The following CELSR1 variants were observed in gnomAD, a reference collection of about 807,000 sequenced individuals.
CELSR1 encodes the protein cadherin EGF LAG seven-pass G-type receptor 1.
A neutral mutation model predicts 249.1 loss-of-function variants in CELSR1; 110 were observed. The observed-to-expected ratio is 0.44, with a 90% CI of 0.38 to 0.52. CELSR1 has a LOEUF of 0.52. CELSR1 is among the 20% of genes least tolerant of loss of function. CELSR1 has a pLI of 0.00. For missense variants in CELSR1, 4,109 were observed against 4,296.4 expected, an observed-to-expected ratio of 0.96 and a Z score of 1.22; for synonymous variants, 2,113 against 1,900.0, an observed-to-expected ratio of 1.11 and a Z score of -2.92.
rs369554869 is a variant in CELSR1, at chr22:46,365,300, C to T, written c.8485G>A (p.Glu2829Lys). ...SYASSHSSDSEDDGVGAEEKW... is the reference protein window; with the variant it reads ...SYASSHSSDSKDDGVGAEEKW... ...TCCTCAGCTCCCACCCCATCGTCCT[C>T]GCTGTCTGACGAGTGTGAGGAGGCG... is the stretch of plus-strand genomic sequence containing the variant. Residue 2829 changes from glutamate to lysine, a missense_variant, in exon 32 of 35, where the codon GAG becomes AAG. By Grantham distance (56) the Glu-to-Lys change is moderately conservative. Around this residue, in one of 7 missense-constraint regions of CELSR1, gnomAD observed 1,805 missense variants for 1,831.6 expected, o/e 0.99. Transcript: ENST00000674500. The T allele has an allele frequency of 1.4e-5, 23 of 1,612,866 alleles. 1 individual carries two copies. The highest frequency in any genetic ancestry group is 1.6e-4 in the Middle Eastern group (1 of 6,082).
chr22:46,470,000 G>GGAGGGGAGGGAGGGAGGA (rs2080139244), intron 1 of CELSR1, among the ~76,000 whole-genome samples: 2 of 10,068 alleles, frequency 2.0e-4, no homozygotes, highest in Non-Finnish European at 4.1e-4. Flanking sequence ...GGGAGGGAGG[G>GGAGGGGAGGGAGGGAGGA]AGAGGCAAAG....
chr22:46,371,944 G>T (rs9615967), intron 25 of CELSR1, among the ~76,000 whole-genome samples: 28,447 of 123,714 alleles, frequency 0.23, 4,080 homozygotes, highest in African/African-American at 0.45. Flanking sequence ...CACTCACTCA[G>T]CCCTTCATCC....
chr22:46,474,120 C>G (rs1409850908), intron 1 of CELSR1, among the ~76,000 whole-genome samples: 1 of 152,184 alleles, frequency 6.6e-6, no homozygotes, highest in Admixed American at 6.5e-5. Flanking sequence ...GTGCTGCTCA[C>G]GATGCCTCGG....
Position 46,417,606 on chromosome 22 carries a change from G to C in CELSR1, c.4612-5847C>G, listed in dbSNP as rs1159670876. 3.3e-5 allele frequency among the ~76,000 whole-genome samples: 5 copies of C among 152,210 alleles called. No individual in the cohort carries two copies. The highest frequency in any genetic ancestry group is 7.3e-5 in the Non-Finnish European group (5 of 68,046). ...GGAGGGCAGCTCCACACTATCCCAG[G>C]TTGTAAGGGGAACTCAAGTTCCTCT... On this transcript the variant is annotated intron_variant, in intron 5 of 34. Transcript: ENST00000674500. This position sits in a 1 kb window ranked among gnomAD's most constrained non-coding sequence, Gnocchi z 4.1.
rs2080581522 is a variant in CELSR1, at chr22:46,512,285, T to C, written c.3544+21342A>G. Reference sequence around the variant, plus strand: ...TGTCAGCCCCCAAATCAAGGTCCAATACTGGCCAGGTGCGGTGGCACATGC... The same window carrying C: ...TGTCAGCCCCCAAATCAAGGTCCAACACTGGCCAGGTGCGGTGGCACATGC... On this transcript the variant is annotated intron_variant, in intron 1 of 34. Transcript: ENST00000674500. This position sits in a 1 kb window ranked among gnomAD's most constrained non-coding sequence, Gnocchi z 5.2. Among the ~76,000 whole-genome samples the C allele has an allele frequency of 6.6e-6, 1 of 151,832 alleles. No homozygotes were observed. The highest frequency in any genetic ancestry group is 1.5e-5 in the Non-Finnish European group (1 of 68,030).
At chr22:46,519,315 A>T (rs1365818598) in intron 1 of CELSR1, among the ~76,000 whole-genome samples, 1 of 152,258 alleles carries the variant, frequency 6.6e-6, no homozygotes, top group Non-Finnish European at 1.5e-5. Flanking sequence ...AGAAACAAAC[A>T]AGGACAAAGA....
At chr22:46,394,030 G>T in intron 14 of CELSR1, 112 bp downstream of exon 14, 1 of 1,386,072 alleles carries the variant, frequency 7.2e-7, no homozygotes, top group Non-Finnish European at 9.9e-7. Context: ...TGTGTGTGCA[G>T]GGGTGTGAGT....
At chr22:46,489,777 C>T (rs754591269) in intron 1 of CELSR1, among the ~76,000 whole-genome samples, 8 of 152,106 alleles carry the variant, frequency 5.3e-5, no homozygotes, top group Non-Finnish European at 8.8e-5. Context: ...CATCTGTAAT[C>T]CCAGCTACTC....
In CELSR1 at chr22:46,364,118, A is replaced by AGGGAGCGG. The variant is rs772781416; in HGVS notation, c.8912_8913insCCGCTCCC (p.Gly2972ArgfsTer29). Reference sequence around the variant, plus strand: ...CTGTGATGGCGCAGTCGGGGCCGCCAGAGCCCAGGGAAGACGTGCGCGAGG... The same window carrying AGGGAGCGG: ...CTGTGATGGCGCAGTCGGGGCCGCCAGGGAGCGGGAGCCCAGGGAAGACGTGCGCGAGG... On this transcript the variant is annotated frameshift_variant, in exon 34 of 35. Transcript: ENST00000674500. LOFTEE classifies it high-confidence loss of function. 3.7e-6 allele frequency: 6 copies of AGGGAGCGG among 1,612,288 alleles called. No homozygotes were observed. Among genetic ancestry groups the AGGGAGCGG allele is most frequent in the Non-Finnish European group, 5.1e-6 (6 of 1,179,614 alleles).
rs537103037 is a variant in CELSR1 at position 46,531,028 on chromosome 22, A to G, written c.3544+2599T>C. Among the ~76,000 whole-genome samples the G allele has an allele frequency of 5.3e-5, 8 of 152,316 alleles. No homozygotes were observed. In the East Asian group the frequency reaches 1.4e-3, roughly 26 times the overall value. On this transcript the variant is annotated intron_variant, in intron 1 of 34. Transcript: ENST00000674500. ...CCACCGCTTCCCCGCATTGTTCCTT[A>G]ATAAAACCTCCAGATAATTCAAGGG...
chr22:46,363,932 T>G lies in CELSR1; in HGVS notation c.9035+64A>C. The G allele has an allele frequency of 6.8e-7, 1 of 1,476,620 alleles. No individual in the cohort carries two copies. Among genetic ancestry groups the G allele is most frequent in the Non-Finnish European group, 9.0e-7 (1 of 1,112,278 alleles). 91.5% of individuals were successfully genotyped at this position (1,476,620 alleles called of 1,614,324 possible). A position where few individuals can be genotyped will look rare whatever the true frequency, so the allele number is the denominator to read the frequency against. On this transcript the variant is annotated intron_variant, in intron 34 of 34. Coordinates refer to ENST00000674500, the MANE Select transcript of CELSR1 (RefSeq NM_001378328.1). The surrounding 1 kb of genome is among the most constrained non-coding windows in gnomAD (Gnocchi z 4.3). Reference sequence around the variant, plus strand: ...TCAGGTCCCTGACCACTGCCCCCTCTCTCTCCTGACTCAGGACAAGGGGGA... The same window carrying G: ...TCAGGTCCCTGACCACTGCCCCCTCGCTCTCCTGACTCAGGACAAGGGGGA...
chr22:46,536,965 C>A lies in CELSR1; in HGVS notation c.206G>T (p.Arg69Leu). 8.7e-7 allele frequency: 1 copy of A among 1,146,804 alleles called. No individual in the cohort carries two copies. Among genetic ancestry groups the A allele is most frequent in the Non-Finnish European group, 1.1e-6 (1 of 935,984 alleles). The allele number at this position is 1,146,804 out of a possible 1,614,324, so 71.0% of individuals were successfully genotyped here. Reference sequence around the variant, plus strand: ...CCGACGTCCTGCCAGCCGCCCATCGCGGCCCACGTCCAGCAGCTCCCGCGG... The same window carrying A: ...CCGACGTCCTGCCAGCCGCCCATCGAGGCCCACGTCCAGCAGCTCCCGCGG... ...RAPRELLDVG[R>L]DGRLAGRRRV... Residue 69 changes from arginine to leucine, a missense_variant, in exon 1 of 35, where the codon CGC (arginine) becomes CTC (leucine). Around this residue, in one of 7 missense-constraint regions of CELSR1, gnomAD observed 673 missense variants for 636.8 expected, o/e 1.06. Transcript: ENST00000674500.
intron 22 of CELSR1, among the ~76,000 whole-genome samples, chr22:46,379,682 C>T (rs2078955834): frequency 6.6e-6 from 1 of 152,244 alleles, no homozygotes; most frequent in African/African-American, 2.4e-5. Context: ...ACCGGGCTCG[C>T]TCACCATAGC....
intron 5 of CELSR1, among the ~76,000 whole-genome samples, chr22:46,431,878 CCT>C (rs2079600051): frequency 6.6e-6 from 1 of 152,242 alleles, no homozygotes; most frequent in South Asian, 2.1e-4. Context: ...AGCCCCTGCA[CCT>C]CTGTCAAGCA....
At position 46,427,994 on chromosome 22, in the gene CELSR1, T is replaced by C. The variant is rs1053594700; in HGVS notation, c.4611+5399A>G. The stretch of plus-strand genomic sequence containing the variant: ...TCCCACTCTCCTTGGGACTCTGGGG[T>C]TTAATGTGCAGCACAGACCCAAGAG... On this transcript the variant is annotated intron_variant, in intron 5 of 34. Coordinates refer to ENST00000674500, the MANE Select transcript of CELSR1 (RefSeq NM_001378328.1). This position sits in a 1 kb window ranked among gnomAD's most constrained non-coding sequence, Gnocchi z 4.2. Among the ~76,000 whole-genome samples, 6 of 151,584 alleles carry C rather than the reference T, an allele frequency of 4.0e-5. No individual in the cohort carries two copies. The highest frequency in any genetic ancestry group is 9.7e-5 in the African/African-American group (4 of 41,212).
rs545134467 is a variant in CELSR1, at chr22:46,471,247, A to C, written c.3545-6902T>G. On this transcript the variant is annotated intron_variant, in intron 1 of 34. Coordinates refer to ENST00000674500, the MANE Select transcript of CELSR1 (RefSeq NM_001378328.1). This position sits in a 1 kb window ranked among gnomAD's most constrained non-coding sequence, Gnocchi z 4.9. ...GACAGTGGTTCTGTCTGCATTGCTG[A>C]TTTTGTTTTTTGTTTGTTTTTATAA... Among the ~76,000 whole-genome samples the C allele has an allele frequency of 1.2e-4, 18 of 152,198 alleles. No individual in the cohort carries two copies. The highest frequency in any genetic ancestry group is 2.5e-4 in the Non-Finnish European group (17 of 68,036).
Position 46,380,978 on chromosome 22 carries a change from TG to T in CELSR1, c.7089-24del. 6.2e-7 allele frequency: 1 copy of T among 1,607,692 alleles called. No homozygotes were observed. The highest frequency in any genetic ancestry group is 8.5e-7 in the Non-Finnish European group (1 of 1,175,730). On this transcript the variant is annotated intron_variant, in intron 21 of 34. Coordinates refer to ENST00000674500, the MANE Select transcript of CELSR1 (RefSeq NM_001378328.1). The surrounding 1 kb of genome is among the most constrained non-coding windows in gnomAD (Gnocchi z 5.1). ...AACCTGAGGTCAAGAAGCCAGAGCA[TG>T]GGGACAAACACGGTGAGGAAACATC...
rs950682750 is a variant in CELSR1 at position 46,413,892 on chromosome 22, T to C, written c.4612-2133A>G. ...AGCCCCACCTTATCTTTACAACTTA[T>C]AATTTACATTTTTGGGGCTGGGCGT... is the stretch of plus-strand genomic sequence containing the variant. On this transcript the variant is annotated intron_variant, in intron 5 of 34. Transcript: ENST00000674500. This position sits in a 1 kb window ranked among gnomAD's most constrained non-coding sequence, Gnocchi z 4.7. Among the ~76,000 whole-genome samples the C allele has an allele frequency of 1.3e-5, 2 of 152,224 alleles. No individual in the cohort carries two copies. The highest frequency in any genetic ancestry group is 2.9e-5 in the Non-Finnish European group (2 of 68,044).
chr22:46,417,197 C>A lies in CELSR1; in HGVS notation c.4612-5438G>T, dbSNP rs1602106406. 6.6e-6 allele frequency among the ~76,000 whole-genome samples: 1 copy of A among 152,284 alleles called. No individual in the cohort carries two copies. The highest frequency in any genetic ancestry group is 6.5e-5 in the Admixed American group (1 of 15,298). On this transcript the variant is annotated intron_variant, in intron 5 of 34. Transcript: ENST00000674500. The surrounding 1 kb of genome is among the most constrained non-coding windows in gnomAD (Gnocchi z 4.1). ...ATGCCCCAGGAAATGTGGGCAAGAC[C>A]CCGTGCCAGTTCTGGCATGGAGACG...
Sources: allele counts gnomAD v4.1 joint callset (sites outside exome capture counted in the v4.1 genomes callset), GRCh38; gene constraint gnomAD v4.1.1; regional missense constraint gnomAD v4.1.1; non-coding constraint Gnocchi (gnomAD v3.1); transcripts MANE v1.5; gene names NCBI Gene and HGNC (gene_info 2026-07-23, HGNC 2026-07-21).